Variants in SYNE3 observed in about 807,000 individuals in gnomAD.
SYNE3 encodes the protein spectrin repeat containing nuclear envelope family member 3, also known as nesprin-3.
SYNE3 carries 100 observed loss-of-function variants against 111.2 expected under a neutral mutation model. The ratio of observed to expected loss-of-function variants is 0.90; its 90% CI spans 0.77 to 1.06. The LOEUF is 1.06. SYNE3 is among the 50% of genes least tolerant of loss of function. The probability of loss-of-function intolerance (pLI) is 0.00; values close to 1 mark genes in which losing one functional copy is unlikely to be tolerated. For missense variants in SYNE3, 1,160 were observed against 1,240.3 expected (o/e 0.94, Z 0.97); for synonymous variants, 547 against 533.9 (o/e 1.02, Z -0.34).
rs1431903411 is a variant in SYNE3 at position 95,409,487 on chromosome 14, G to A, written c.*8339C>T. ...GAAAGGAAGCCCAGGATCCTCGGGGGAAACCGAGGTCCCTCCTTATGATTG... is the reference window on the plus strand; with the variant it reads ...GAAAGGAAGCCCAGGATCCTCGGGGAAAACCGAGGTCCCTCCTTATGATTG... On this transcript the variant is annotated 3_prime_UTR_variant, in exon 18 of 18. Coordinates refer to ENST00000682763, the MANE Select transcript of SYNE3 (RefSeq NM_152592.6). 2.4e-6 allele frequency: 1 copy of A among 417,726 alleles called. No homozygotes were observed. The highest frequency in any genetic ancestry group is 1.8e-5 in the South Asian group (1 of 56,462). The allele number at this position is 417,726 out of a possible 1,614,324, so 25.9% of individuals were successfully genotyped here.
intron 1 of SYNE3, among the ~76,000 whole-genome samples, chr14:95,476,940 A>T (rs1399764170): frequency 6.6e-6 from 1 of 152,258 alleles, no homozygotes; most frequent in Non-Finnish European, 1.5e-5. Flanking sequence ...TGCACTTTAG[A>T]ATATTATGCA....
At chr14:95,455,829 G>T (rs748987507) in intron 5 of SYNE3, 105 bp from the exon 6 acceptor site, 2 of 1,174,492 alleles carry the variant, frequency 1.7e-6, no homozygotes, top group South Asian at 1.4e-5. Flanking sequence ...ACTGATTCCT[G>T]GAGTCCTGCG....
rs1327502693 is a variant in SYNE3, at chr14:95,407,423, A to C, written c.*10403T>G. The C allele has an allele frequency of 6.6e-6, 1 of 152,176 alleles. No homozygotes were observed. The highest frequency in any genetic ancestry group is 1.5e-5 in the Non-Finnish European group (1 of 68,032). 9.4% of individuals were successfully genotyped at this position (152,176 alleles called of 1,614,324 possible). ...GAGGAAAACGTCAATGCAACTTTAA[A>C]ATATAGCACTAAGAAGAAACTCCGG... On this transcript the variant is annotated 3_prime_UTR_variant, in exon 18 of 18. Coordinates refer to ENST00000682763, the MANE Select transcript of SYNE3 (RefSeq NM_152592.6).
chr14:95,407,752 C>T lies in SYNE3; in HGVS notation c.*10074G>A, dbSNP rs926131375. 19 of 151,280 alleles carry T rather than the reference C, an allele frequency of 1.3e-4. No homozygotes were observed. The highest frequency in any genetic ancestry group is 2.4e-4 in the Non-Finnish European group (16 of 67,880). 9.4% of individuals were successfully genotyped at this position (151,280 alleles called of 1,614,324 possible). ...GCACATATACACACACAAGTGTGAA[C>T]GCATACACAAACACACACACACAGA... is the stretch of plus-strand genomic sequence containing the variant. On this transcript the variant is annotated 3_prime_UTR_variant, in exon 18 of 18. Transcript: ENST00000682763.
At position 95,500,519 on chromosome 14, in the gene SYNE3, C is replaced by T. The variant is rs181950239; in HGVS notation, c.-15+16077G>A. 3.7e-4 allele frequency among the ~76,000 whole-genome samples: 57 copies of T among 152,356 alleles called. No individual in the cohort carries two copies. The East Asian group carries it at 9.1e-3, about 24-fold the overall frequency. ...GGAGAAGCTGCCCTCTGGGACTTTG[C>T]TTTGGCCCAGCCGGACTCAGCGGGA... On this transcript the variant is annotated intron_variant, in intron 1 of 17. Transcript: ENST00000682763. The surrounding 1 kb of genome is among the most constrained non-coding windows in gnomAD (Gnocchi z 4.7).
chr14:95,436,725 T>C, intron 15 of SYNE3, 95 bp downstream of exon 15: 1 of 1,411,090 alleles, frequency 7.1e-7, no homozygotes, highest in Non-Finnish European at 9.7e-7. Flanking sequence ...GCTCACAAAC[T>C]GTGGGTGTGT....
chr14:95,442,148 T>A (rs1465687324), intron 11 of SYNE3, among the ~76,000 whole-genome samples: 1 of 152,188 alleles, frequency 6.6e-6, no homozygotes, highest in African/African-American at 2.4e-5. Flanking sequence ...TTGGGTTTGA[T>A]CAAAGTGCTA....
At chr14:95,468,667 C>A (rs1481089422) in intron 2 of SYNE3, among the ~76,000 whole-genome samples, 1 of 152,212 alleles carries the variant, frequency 6.6e-6, no homozygotes, top group Non-Finnish European at 1.5e-5. Context: ...GCTCTTCTGG[C>A]CTTGGGATCA....
rs1886114156 is a variant in SYNE3 at position 95,436,886 on chromosome 14, C to G, written c.2472G>C (p.Leu824=). 1 of 1,614,062 alleles carries G rather than the reference C, an allele frequency of 6.2e-7. No homozygotes were observed. Among genetic ancestry groups the G allele is most frequent in the Non-Finnish European group, 8.5e-7 (1 of 1,180,030 alleles). ...GQWLQVENSK[L]VRIIAMRTST... ...AAGTTCTCATTGCGATGATTCTAAC[C>G]AGCTTGGAGTTTTCCACCTGCAACC... The change falls in exon 15 of 18, where the codon CTG becomes CTC. Residue 824 remains leucine, a synonymous_variant. Coordinates refer to ENST00000682763, the MANE Select transcript of SYNE3 (RefSeq NM_152592.6).
chr14:95,439,495 GC>G, intron 13 of SYNE3, 116 bp downstream of exon 13: 1 of 1,375,620 alleles, frequency 7.3e-7, no homozygotes, highest in South Asian at 1.2e-5. Flanking sequence ...GGTGCCCACG[GC>G]CCCTGGCTCC....
intron 1 of SYNE3, among the ~76,000 whole-genome samples, chr14:95,480,054 A>AAAAT (rs142586263): frequency 0.021 from 3,244 of 152,134 alleles, 71 homozygotes; most frequent in Non-Finnish European, 0.032. Context: ...ATAGGATTAA[A>AAAAT]AAATAAATAA....
chr14:95,457,638 G>A (rs929441962), intron 4 of SYNE3, among the ~76,000 whole-genome samples: 11 of 152,202 alleles, frequency 7.2e-5, no homozygotes, highest in African/African-American at 2.7e-4. Flanking sequence ...AGACTGAGGT[G>A]CGGCAACAGC....
intron 13 of SYNE3, 54 bp from the exon 14 acceptor site, chr14:95,439,216 G>A (rs1886270065): frequency 6.2e-7 from 1 of 1,605,918 alleles, no homozygotes; most frequent in Non-Finnish European, 8.5e-7. Flanking sequence ...GGACCCACCA[G>A]GACATGGGAA....
In SYNE3 at chr14:95,414,237, C is replaced by T. The variant is rs1000601723; in HGVS notation, c.*3589G>A. On this transcript the variant is annotated 3_prime_UTR_variant, in exon 18 of 18. Transcript: ENST00000682763. The stretch of plus-strand genomic sequence containing the variant: ...GCCCCATGTTGTGGGTTTGGACCCA[C>T]TTCAGCATGAGCAAGGGTCTTTATA... The T allele has an allele frequency of 7.9e-5, 12 of 152,208 alleles. No individual in the cohort carries two copies. The highest frequency in any genetic ancestry group is 2.6e-4 in the Admixed American group (4 of 15,288). 9.4% of individuals were successfully genotyped at this position (152,208 alleles called of 1,614,324 possible).
intron 1 of SYNE3, among the ~76,000 whole-genome samples, chr14:95,478,331 A>G (rs543454073): frequency 4.6e-5 from 7 of 152,320 alleles, no homozygotes; most frequent in Non-Finnish European, 1.0e-4. Flanking sequence ...GAGCTTCTTT[A>G]CCACCTAATG....
At chr14:95,492,087 C>T (rs569370471) in intron 1 of SYNE3, among the ~76,000 whole-genome samples, 16 of 152,336 alleles carry the variant, frequency 1.1e-4, no homozygotes, top group South Asian at 8.3e-4. Context: ...TACTAATTCA[C>T]ACCCATTAGA....
At chr14:95,512,201 G>A (rs1206048334) in intron 1 of SYNE3, among the ~76,000 whole-genome samples, 2 of 152,112 alleles carry the variant, frequency 1.3e-5, no homozygotes, top group Non-Finnish European at 2.9e-5. Context: ...TCATACAACA[G>A]AATTTTTTGC....
At chr14:95,422,627 T>G (rs919736154) in intron 17 of SYNE3, among the ~76,000 whole-genome samples, 1 of 152,202 alleles carries the variant, frequency 6.6e-6, no homozygotes, top group Non-Finnish European at 1.5e-5. Flanking sequence ...GCTAAGGGTC[T>G]TAACTGGGAC....
chr14:95,510,543 G>A (rs1457259523), intron 1 of SYNE3, among the ~76,000 whole-genome samples: 3 of 152,222 alleles, frequency 2.0e-5, no homozygotes, highest in Non-Finnish European at 4.4e-5. Flanking sequence ...GCTCATGCCT[G>A]TAATCCTAGC....
Sources: allele counts gnomAD v4.1 joint callset (sites outside exome capture counted in the v4.1 genomes callset), GRCh38; gene constraint gnomAD v4.1.1; non-coding constraint Gnocchi (gnomAD v3.1); transcripts MANE v1.5; gene names NCBI Gene and HGNC (gene_info 2026-07-23, HGNC 2026-07-21).